Variants in SLC35F4 observed in about 807,000 individuals in gnomAD.
SLC35F4 encodes the protein solute carrier family 35 member F4, also known as chromosome 14 open reading frame 36.
A neutral mutation model predicts 44.2 loss-of-function variants in SLC35F4; 24 were observed. That is an observed-to-expected ratio of 0.54 (90% confidence interval 0.39 to 0.76). The LOEUF (loss-of-function observed/expected upper bound fraction) is 0.76, where lower values mean the gene tolerates loss of function less well. Ranked by LOEUF, SLC35F4 falls within the 30% of genes least tolerant of loss-of-function variation. The probability of loss-of-function intolerance (pLI) is 0.00; values close to 1 mark genes in which losing one functional copy is unlikely to be tolerated. For missense variants in SLC35F4, 562 were observed against 586.1 expected (o/e 0.96, Z 0.42); for synonymous variants, 238 against 223.6 (o/e 1.06, Z -0.57).
intron 1 of SLC35F4, among the ~76,000 whole-genome samples, chr14:57,682,390 A>C (rs2074934893): frequency 6.6e-6 from 1 of 152,184 alleles, no homozygotes; most frequent in African/African-American, 2.4e-5. Context: ...AAACTAACGC[A>C]AGAATAGAAA....
intron 1 of SLC35F4, among the ~76,000 whole-genome samples, chr14:57,933,889 A>G (rs903994671): frequency 6.6e-6 from 1 of 152,212 alleles, no homozygotes; most frequent in Non-Finnish European, 1.5e-5. Flanking sequence ...CTTGACACGA[A>G]AAAATATATA....
intron 1 of SLC35F4, among the ~76,000 whole-genome samples, chr14:57,858,403 C>A (rs1349785310): frequency 2.0e-5 from 3 of 151,892 alleles, no homozygotes; most frequent in Non-Finnish European, 4.4e-5. Flanking sequence ...AGCTGGAAAG[C>A]ATCATTCTCA....
At chr14:57,650,822 T>G (rs781517385) in intron 1 of SLC35F4, among the ~76,000 whole-genome samples, 1 of 152,096 alleles carries the variant, frequency 6.6e-6, no homozygotes, top group Admixed American at 6.6e-5. Flanking sequence ...TTCTGTGTAG[T>G]GTTCTCAAAG....
intron 1 of SLC35F4, among the ~76,000 whole-genome samples, chr14:57,780,618 TCAAATAGCCAAGG>T (rs2077594042): frequency 6.6e-6 from 1 of 151,772 alleles, no homozygotes. Context: ...AGAAAAGAAC[TCAAATAGCCAAGG>T]CAAAAGAACA....
chr14:57,773,161 C>A (rs191141316), intron 1 of SLC35F4, among the ~76,000 whole-genome samples: 45 of 152,170 alleles, frequency 3.0e-4, no homozygotes, highest in African/African-American at 1.0e-3. Context: ...TCATTCATGT[C>A]TTTTGCCCAG....
At chr14:57,627,634 A>C (rs2072542259) in intron 1 of SLC35F4, among the ~76,000 whole-genome samples, 1 of 152,124 alleles carries the variant, frequency 6.6e-6, no homozygotes, top group Non-Finnish European at 1.5e-5. Flanking sequence ...GAACCCAAGA[A>C]ATAATATACC....
chr14:57,882,895 T>C (rs1056850234), intron 1 of SLC35F4, among the ~76,000 whole-genome samples: 1 of 152,186 alleles, frequency 6.6e-6, no homozygotes, highest in African/African-American at 2.4e-5. Context: ...ACCCTTGACT[T>C]CGGGCTTGGC....
intron 1 of SLC35F4, among the ~76,000 whole-genome samples, chr14:57,963,302 C>G (rs934033907): frequency 5.3e-5 from 8 of 152,196 alleles, no homozygotes; most frequent in Admixed American, 2.6e-4. Flanking sequence ...CATGATGTGG[C>G]TTGCTGTCCT....
chr14:57,657,446 C>A (rs762737928), intron 1 of SLC35F4, among the ~76,000 whole-genome samples: 1 of 152,130 alleles, frequency 6.6e-6, no homozygotes, highest in Non-Finnish European at 1.5e-5. Flanking sequence ...CAGCACATGG[C>A]CATTAGTAAT....
chr14:57,935,273 A>T (rs537907964), intron 1 of SLC35F4, among the ~76,000 whole-genome samples: 3 of 152,356 alleles, frequency 2.0e-5, no homozygotes, highest in Non-Finnish European at 4.4e-5. Context: ...ATTTCAACAG[A>T]TACCCACTAA....
chr14:57,590,297 G>A (rs1263246873), intron 2 of SLC35F4, among the ~76,000 whole-genome samples: 1 of 151,854 alleles, frequency 6.6e-6, no homozygotes, highest in Non-Finnish European at 1.5e-5. Context: ...AGAGGCTCAG[G>A]TGGGTGAATC....
chr14:57,791,080 A>G lies in SLC35F4; in HGVS notation c.103+74643T>C, dbSNP rs183074375. Among the ~76,000 whole-genome samples, 286 of 152,350 alleles carry G rather than the reference A, an allele frequency of 1.9e-3. 1 individual carries two copies. Among genetic ancestry groups the G allele is most frequent in the South Asian group, 4.6e-3 (22 of 4,832 alleles). On this transcript the variant is annotated intron_variant, in intron 1 of 7. Transcript: ENST00000556826. ...ATTCAGGACATAGTCATGGGCAAAGACTTCATGACTAAAACACCAAAAGCA... is the reference window on the plus strand; with the variant it reads ...ATTCAGGACATAGTCATGGGCAAAGGCTTCATGACTAAAACACCAAAAGCA...
chr14:57,923,543 C>T (rs1278671980), intron 1 of SLC35F4, among the ~76,000 whole-genome samples: 1 of 152,210 alleles, frequency 6.6e-6, no homozygotes, highest in Non-Finnish European at 1.5e-5. Flanking sequence ...CCTGTCTCAA[C>T]TTTCTTGAAA....
chr14:57,660,171 T>C (rs1204800704), intron 1 of SLC35F4, among the ~76,000 whole-genome samples: 1 of 152,206 alleles, frequency 6.6e-6, no homozygotes, highest in Non-Finnish European at 1.5e-5. Flanking sequence ...GAAACAGGCA[T>C]GGTTTAAAAA....
At position 57,618,200 on chromosome 14, in the gene SLC35F4, T is replaced by A. The variant is rs76583927; in HGVS notation, c.104-24076A>T. Among the ~76,000 whole-genome samples the A allele has an allele frequency of 3.9e-3, 588 of 152,326 alleles. 3 individuals carry two copies. The highest frequency in any genetic ancestry group is 0.014 in the African/African-American group (575 of 41,578). On this transcript the variant is annotated intron_variant, in intron 1 of 7. Coordinates refer to ENST00000556826, the MANE Select transcript of SLC35F4 (RefSeq NM_001306087.2). ...AAATAAAATGTGAAAAGACCTATTA[T>A]GTATATTTGGCATAAAGAATCCAGT...
At chr14:57,925,769 T>G (rs1889557931) in intron 1 of SLC35F4, among the ~76,000 whole-genome samples, 1 of 152,008 alleles carries the variant, frequency 6.6e-6, no homozygotes, top group Non-Finnish European at 1.5e-5. Flanking sequence ...ACATCCAAAT[T>G]TAAACAATAC....
chr14:57,673,982 C>T (rs773228509), intron 1 of SLC35F4, among the ~76,000 whole-genome samples: 4 of 152,010 alleles, frequency 2.6e-5, no homozygotes, highest in Non-Finnish European at 5.9e-5. Context: ...TAAAATAAGA[C>T]ATACAAATGA....
intron 1 of SLC35F4, among the ~76,000 whole-genome samples, chr14:57,833,393 G>A (rs1009122157): frequency 6.6e-6 from 1 of 152,192 alleles, no homozygotes; most frequent in African/African-American, 2.4e-5. Flanking sequence ...CAGAGGATCT[G>A]AGTCAGTGTT....
intron 1 of SLC35F4, among the ~76,000 whole-genome samples, chr14:57,789,209 G>T (rs2077848659): frequency 6.6e-6 from 1 of 152,144 alleles, no homozygotes; most frequent in African/African-American, 2.4e-5. Context: ...ATGAATCCAG[G>T]AGCTGGTTTT....
Sources: gnomAD v4.1 joint callset for allele counts (sites outside exome capture counted in the v4.1 genomes callset) on GRCh38, gnomAD v4.1.1 for gene constraint, MANE v1.5 for transcripts, NCBI Gene and HGNC (gene_info 2026-07-23, HGNC 2026-07-21) for gene names.